The following SLC22A24 variants were observed in gnomAD, a reference collection of about 807,000 sequenced individuals.
SLC22A24 encodes the protein solute carrier family 22 member 24.
SLC22A24 carries 53 observed loss-of-function variants against 49.8 expected under a neutral mutation model. That is an observed-to-expected ratio of 1.06 (90% CI 0.85 to 1.34). SLC22A24 has a LOEUF of 1.34. Among genes scored for constraint, SLC22A24 ranks in the 40% most tolerant of loss-of-function variants. The pLI is 0.00. For missense variants in SLC22A24, 786 were observed against 675.9 expected (o/e 1.16, Z -1.81); for synonymous variants, 302 against 256.4 (o/e 1.18, Z -1.70).
chr11:63,107,788 C>G (rs1437769710), intron 4 of SLC22A24, among the ~76,000 whole-genome samples: 2 of 152,028 alleles, frequency 1.3e-5, no homozygotes, highest in Non-Finnish European at 2.9e-5. Flanking sequence ...GATTTTGTAT[C>G]CTGAGACTTT....
intron 6 of SLC22A24, among the ~76,000 whole-genome samples, chr11:63,088,220 G>A (rs2086998928): frequency 6.6e-6 from 1 of 152,220 alleles, no homozygotes; most frequent in African/African-American, 2.4e-5. Context: ...GAAGCTTCCA[G>A]AGGAAGAAGC....
At chr11:63,096,259 C>T (rs1406375777) in intron 5 of SLC22A24, among the ~76,000 whole-genome samples, 153 bp from the exon 6 acceptor site, 1 of 152,106 alleles carries the variant, frequency 6.6e-6, no homozygotes, top group African/African-American at 2.4e-5. Context: ...TAATTCATCT[C>T]ATGTGTGAAG....
intron 4 of SLC22A24, among the ~76,000 whole-genome samples, chr11:63,104,616 G>T (rs1389285384): frequency 6.6e-6 from 1 of 152,114 alleles, no homozygotes. Context: ...CATGGCTGGG[G>T]AGGCCTCAGA....
intron 4 of SLC22A24, among the ~76,000 whole-genome samples, chr11:63,107,185 G>A (rs777219884): frequency 6.6e-6 from 1 of 152,166 alleles, no homozygotes; most frequent in African/African-American, 2.4e-5. Context: ...TATTAAAATA[G>A]GGGATCTTTT....
intron 6 of SLC22A24, among the ~76,000 whole-genome samples, chr11:63,086,044 G>A (rs1002277547): frequency 5.3e-5 from 8 of 152,136 alleles, no homozygotes; most frequent in East Asian, 1.9e-4. Flanking sequence ...AACAGATACC[G>A]GTGAGGATGG....
intron 5 of SLC22A24, among the ~76,000 whole-genome samples, chr11:63,096,315 T>C (rs2087054855): frequency 6.6e-6 from 1 of 152,156 alleles, no homozygotes; most frequent in African/African-American, 2.4e-5. Context: ...AGGAATTATA[T>C]AGGAATAAAA....
At chr11:63,088,164 A>T (rs2086998612) in intron 6 of SLC22A24, among the ~76,000 whole-genome samples, 1 of 152,188 alleles carries the variant, frequency 6.6e-6, no homozygotes, top group Non-Finnish European at 1.5e-5. Flanking sequence ...CAGACACCTC[A>T]TACAGGAGAG....
chr11:63,120,210 G>T lies in SLC22A24; in HGVS notation c.507-875C>A, dbSNP rs551450844. On this transcript the variant is annotated intron_variant, in intron 2 of 9. Coordinates refer to ENST00000612278, the MANE Select transcript of SLC22A24 (RefSeq NM_001136506.2). ...AAGTCCTTGCCCATGCCTATGTCCTGAATGGTAATGCCTATTCCCACTCAT... is the reference window on the plus strand; with the variant it reads ...AAGTCCTTGCCCATGCCTATGTCCTTAATGGTAATGCCTATTCCCACTCAT... 4.7e-5 allele frequency among the ~76,000 whole-genome samples: 7 copies of T among 149,452 alleles called. No homozygotes were observed. The East Asian group carries it at 1.4e-3, about 30-fold the overall frequency.
At chr11:63,117,576 C>T (rs559904290) in intron 4 of SLC22A24, among the ~76,000 whole-genome samples, 12 of 152,254 alleles carry the variant, frequency 7.9e-5, no homozygotes, top group Non-Finnish European at 1.3e-4. Flanking sequence ...CCAACTCCTC[C>T]TCTTCTTTCC....
chr11:63,082,591 T>G (rs967358082), intron 7 of SLC22A24, among the ~76,000 whole-genome samples: 9 of 152,228 alleles, frequency 5.9e-5, no homozygotes, highest in Non-Finnish European at 1.0e-4. Context: ...CTGGGTCAGC[T>G]TCTTAATCTG....
intron 4 of SLC22A24, among the ~76,000 whole-genome samples, chr11:63,106,352 C>T (rs7396172): frequency 0.79 from 120,506 of 152,056 alleles, 48,953 homozygotes; most frequent in East Asian, 0.9. Flanking sequence ...TTTAGGTTGG[C>T]TCCAAGTCTT....
At chr11:63,135,902 G>A (rs56075928) in intron 1 of SLC22A24, among the ~76,000 whole-genome samples, 2,894 of 152,238 alleles carry the variant, frequency 0.019, 110 homozygotes, top group Admixed American at 0.1. Flanking sequence ...GCTGGCCATC[G>A]GAAGTCAACA....
chr11:63,131,340 T>C (rs561122284), intron 2 of SLC22A24, among the ~76,000 whole-genome samples: 1 of 152,334 alleles, frequency 6.6e-6, no homozygotes, highest in South Asian at 2.1e-4. Context: ...CTGGTTATTT[T>C]GCCTGTTAAT....
At chr11:63,105,217 G>C (rs572340097) in intron 4 of SLC22A24, among the ~76,000 whole-genome samples, 1 of 152,208 alleles carries the variant, frequency 6.6e-6, no homozygotes, top group Non-Finnish European at 1.5e-5. Context: ...TTTGCAGTCT[G>C]GCATTGAGTG....
intron 4 of SLC22A24, among the ~76,000 whole-genome samples, chr11:63,111,065 T>C (rs1197106885): frequency 1.3e-5 from 2 of 152,018 alleles, no homozygotes; most frequent in African/African-American, 4.8e-5. Flanking sequence ...TGAAGGGTTG[T>C]TGAATTTTGT....
chr11:63,113,871 A>AT (rs1410049088), intron 4 of SLC22A24, among the ~76,000 whole-genome samples: 3 of 149,462 alleles, frequency 2.0e-5, no homozygotes, highest in Non-Finnish European at 4.5e-5. Context: ...AAAAAAAAAA[A>AT]GGAATGTTGA....
chr11:63,112,606 T>C (rs1230854516), intron 4 of SLC22A24, among the ~76,000 whole-genome samples: 1 of 152,176 alleles, frequency 6.6e-6, no homozygotes, highest in Non-Finnish European at 1.5e-5. Context: ...TTTGTGTCTC[T>C]ATCTCCTTCA....
rs575555938 is a variant in SLC22A24, at chr11:63,139,315, C to T, written c.402+4063G>A. ...AGAAAGCTCTGTTTTCCTCATGAAA[C>T]CCCAGGAATTAAAAGCGGATAGATC... On this transcript the variant is annotated intron_variant, in intron 1 of 9. Transcript: ENST00000612278. 3.3e-5 allele frequency among the ~76,000 whole-genome samples: 5 copies of T among 152,218 alleles called. No homozygotes were observed. In the South Asian group the frequency reaches 1.0e-3, roughly 32 times the overall value.
At chr11:63,127,446 C>G (rs977551764) in intron 2 of SLC22A24, among the ~76,000 whole-genome samples, 5 of 152,172 alleles carry the variant, frequency 3.3e-5, no homozygotes, top group Non-Finnish European at 7.3e-5. Flanking sequence ...CATACGTGTG[C>G]ATGTGTCTTT....
Sources: gnomAD v4.1 joint callset for allele counts (sites outside exome capture counted in the v4.1 genomes callset) on GRCh38, gnomAD v4.1.1 for gene constraint, MANE v1.5 for transcripts, NCBI Gene and HGNC (gene_info 2026-07-23, HGNC 2026-07-21) for gene names.